Variants in ATP2A2 observed in about 807,000 individuals in gnomAD.
ATP2A2 encodes ATPase sarcoplasmic/endoplasmic reticulum Ca2+ transporting 2.
Under a neutral mutation model 109.3 loss-of-function variants are expected in ATP2A2, and 14 were observed. The ratio of observed to expected loss-of-function variants is 0.13; its 90% confidence interval spans 0.08 to 0.20. The LOEUF (loss-of-function observed/expected upper bound fraction) is 0.20. ATP2A2 is among the 10% of genes least tolerant of loss of function. The pLI, the probability that ATP2A2 is intolerant of heterozygous loss-of-function variation, is 1.00. For synonymous variants in ATP2A2, 506 were observed against 490.9 expected (o/e 1.03, Z -0.41); for missense variants, 657 against 1,321.6 (o/e 0.50, Z 7.80).
In ATP2A2 at chr12:110,327,711, C is replaced by T; in HGVS notation, c.789C>T (p.Val263=). ...LDEFGEQLSK[V]ISLICIAVWI... is the part of the protein sequence containing the mutation. ...AATTTGGGGAACAGCTTTCCAAAGTCATCTCCCTTATTTGCATTGCAGTCT... is the reference window on the plus strand; with the variant it reads ...AATTTGGGGAACAGCTTTCCAAAGTTATCTCCCTTATTTGCATTGCAGTCT... Residue 263 remains valine, a synonymous_variant, in exon 8 of 20, where the codon GTC becomes GTT. Transcript: ENST00000539276. This position sits in a 1 kb window ranked among gnomAD's most constrained non-coding sequence, Gnocchi z 4.4. 1.9e-6 allele frequency: 3 copies of T among 1,614,178 alleles called. No individual in the cohort carries two copies. Among genetic ancestry groups the T allele is most frequent in the Non-Finnish European group, 1.7e-6 (2 of 1,180,030 alleles).
Position 110,346,538 on chromosome 12 carries a change from T to C in ATP2A2, c.*68T>C. 1 of 1,593,498 alleles carries C rather than the reference T, an allele frequency of 6.3e-7. No homozygotes were observed. Among genetic ancestry groups the C allele is most frequent in the Non-Finnish European group, 8.5e-7 (1 of 1,171,736 alleles). On this transcript the variant is annotated 3_prime_UTR_variant, in exon 20 of 20. Coordinates refer to ENST00000539276, the MANE Select transcript of ATP2A2 (RefSeq NM_170665.4). ...ATTTTTTTATTGTTTAAAGCAACTG[T>C]CTATTTCTGCTGAATTTTCACATGA...
At chr12:110,329,571 C>A (rs952294858) in intron 8 of ATP2A2, 2 of 152,276 alleles carry the variant, frequency 1.3e-5, no homozygotes, top group Non-Finnish European at 2.9e-5. Flanking sequence ...CATGCGCCCC[C>A]ACGCCCGGCT....
At chr12:110,295,254 G>A (rs1049542120) in intron 4 of ATP2A2, among the ~76,000 whole-genome samples, 1 of 151,760 alleles carries the variant, frequency 6.6e-6, no homozygotes, top group Non-Finnish European at 1.5e-5. Context: ...TCTCTGCCTC[G>A]CAGGCTTAGT....
chr12:110,328,688 C>T (rs1249420047), intron 8 of ATP2A2, among the ~76,000 whole-genome samples: 1 of 152,218 alleles, frequency 6.6e-6, no homozygotes, highest in Non-Finnish European at 1.5e-5. Context: ...ACCCCAGCCT[C>T]ACAAGTAGCT....
rs1386814675 is a variant in ATP2A2, at chr12:110,282,637, T to C, written c.136+16T>C. ...GCTGAAGAAGGTAATCTTAACATGC[T>C]GTTTCTGTTTTTTTTCCTCTGTTGG... On this transcript the variant is annotated intron_variant, in intron 2 of 19. Transcript: ENST00000539276. 4 of 1,614,090 alleles carry C rather than the reference T, an allele frequency of 2.5e-6. No individual in the cohort carries two copies. The highest frequency in any genetic ancestry group is 1.3e-5 in the African/African-American group (1 of 75,054).
intron 8 of ATP2A2, 79 bp downstream of exon 8, chr12:110,328,096 T>C: frequency 7.1e-7 from 1 of 1,417,924 alleles, no homozygotes. Context: ...CATCAAAACT[T>C]TTGATTTGTA....
In ATP2A2 at chr12:110,345,053, A is replaced by G. The variant is rs946727840; in HGVS notation, c.2607+82A>G. 2.3e-5 allele frequency: 35 copies of G among 1,518,920 alleles called. No homozygotes were observed. The Admixed American group carries it at 3.5e-4, about 15-fold the overall frequency. 94.1% of individuals were successfully genotyped at this position (1,518,920 alleles called of 1,614,324 possible). Reference sequence around the variant, plus strand: ...CTTTCTGTGGTTTCGGTATCTATCAAATCATCTTAAGACTCAGACAATAAA... The same window carrying G: ...CTTTCTGTGGTTTCGGTATCTATCAGATCATCTTAAGACTCAGACAATAAA... On this transcript the variant is annotated intron_variant, in intron 17 of 19. Transcript: ENST00000539276.
At chr12:110,293,694 C>T (rs1470723428) in intron 4 of ATP2A2, among the ~76,000 whole-genome samples, 1 of 151,834 alleles carries the variant, frequency 6.6e-6, no homozygotes, top group African/African-American at 2.4e-5. Flanking sequence ...CCACGCCCGA[C>T]ACATCTTATA....
intron 5 of ATP2A2, among the ~76,000 whole-genome samples, chr12:110,300,092 G>GCCCT (rs1874409268): frequency 7.0e-6 from 1 of 143,352 alleles, no homozygotes; most frequent in African/African-American, 2.7e-5. Context: ...CCGTCCGTCT[G>GCCCT]TCCTTCCTTC....
intron 1 of ATP2A2, 77 bp downstream of exon 1, chr12:110,281,984 TC>T (rs1264374614): frequency 1.2e-5 from 15 of 1,217,300 alleles, no homozygotes; most frequent in Non-Finnish European, 1.7e-5. Flanking sequence ...GGGCTCCACC[TC>T]GTGGGCTTCG....
At chr12:110,316,152 C>T (rs953998128) in intron 5 of ATP2A2, among the ~76,000 whole-genome samples, 1 of 152,244 alleles carries the variant, frequency 6.6e-6, no homozygotes, top group African/African-American at 2.4e-5. Context: ...AAACGCTTTA[C>T]CATCTTGGTA....
chr12:110,343,400 C>T lies in ATP2A2; in HGVS notation c.2487C>T (p.Ser829=), dbSNP rs775669592. The part of the protein sequence containing the change: ...PPRNPKEPLI[S]GWLFFRYLAI... ...GGAACCCAAAGGAACCATTGATCAG[C>T]GGGTGGCTCTTTTTCCGTTACTTGG... is the stretch of plus-strand genomic sequence containing the variant. The change falls in exon 16 of 20, where the codon AGC becomes AGT. Residue 829 remains serine, a synonymous_variant. Coordinates refer to ENST00000539276, the MANE Select transcript of ATP2A2 (RefSeq NM_170665.4). 25 of 1,614,060 alleles carry T rather than the reference C, an allele frequency of 1.5e-5. No homozygotes were observed. The highest frequency in any genetic ancestry group is 9.9e-5 in the South Asian group (9 of 91,080).
chr12:110,344,389 C>T (rs973768786), intron 16 of ATP2A2, among the ~76,000 whole-genome samples: 3 of 152,196 alleles, frequency 2.0e-5, no homozygotes, highest in African/African-American at 7.2e-5. Context: ...CAGGGCCATG[C>T]TGCTCAGTGT....
chr12:110,345,530 A>G, intron 18 of ATP2A2, 148 bp downstream of exon 18: 3 of 1,243,036 alleles, frequency 2.4e-6, no homozygotes, highest in Non-Finnish European at 3.4e-6. Context: ...TTTTAAAAGC[A>G]TGAGCTGTCG....
intron 5 of ATP2A2, among the ~76,000 whole-genome samples, chr12:110,307,698 G>C (rs923166448): frequency 2.6e-5 from 4 of 152,134 alleles, no homozygotes; most frequent in Non-Finnish European, 5.9e-5. Context: ...GTGATTTTGT[G>C]TGTGTGTTTG....
At position 110,347,867 on chromosome 12, in the gene ATP2A2, C is replaced by G. The variant is rs1313431397; in HGVS notation, c.*1397C>G. ...CACCAAGTGAGATAACTGTATGTCA[C>G]TAACTTATAAGCCGCCTCCATGGCA... On this transcript the variant is annotated 3_prime_UTR_variant, in exon 20 of 20. Coordinates refer to ENST00000539276, the MANE Select transcript of ATP2A2 (RefSeq NM_170665.4). The G allele has an allele frequency of 2.0e-6, 2 of 1,005,976 alleles. No individual in the cohort carries two copies. The highest frequency in any genetic ancestry group is 1.2e-6 in the Non-Finnish European group (1 of 842,468). The allele number at this position is 1,005,976 out of a possible 1,614,324, so 62.3% of individuals were successfully genotyped here. A position where few individuals can be genotyped will look rare whatever the true frequency, so the allele number is the denominator to read the frequency against.
chr12:110,328,506 T>G (rs956213460), intron 8 of ATP2A2, among the ~76,000 whole-genome samples: 9 of 151,980 alleles, frequency 5.9e-5, no homozygotes, highest in African/African-American at 2.2e-4. Flanking sequence ...GCAGCGGAGG[T>G]TGCAGTGAGC....
chr12:110,346,765 A>T lies in ATP2A2; in HGVS notation c.*295A>T, dbSNP rs1009407376. ...TTCTGTTTAATACTCATCCTTGTAT[A>T]AAAAAAATAGTTGAGCCAGCAGACA... On this transcript the variant is annotated 3_prime_UTR_variant, in exon 20 of 20. Transcript: ENST00000539276. 2.2e-5 allele frequency: 26 copies of T among 1,175,400 alleles called. No individual in the cohort carries two copies. In the African/African-American group the frequency reaches 2.9e-4, roughly 13 times the overall value. The allele number at this position is 1,175,400 out of a possible 1,614,324, so 72.8% of individuals were successfully genotyped here.
intron 5 of ATP2A2, among the ~76,000 whole-genome samples, chr12:110,321,663 A>G (rs111264742): frequency 1.1e-3 from 167 of 152,266 alleles, no homozygotes; most frequent in Non-Finnish European, 2.0e-3. Flanking sequence ...TCGAACTCCT[A>G]GCTTCGAGTG....
Sources: allele counts gnomAD v4.1 joint callset (sites outside exome capture counted in the v4.1 genomes callset), GRCh38; gene constraint gnomAD v4.1.1; non-coding constraint Gnocchi (gnomAD v3.1); transcripts MANE v1.5; gene names NCBI Gene and HGNC (gene_info 2026-07-23, HGNC 2026-07-21).